AFF3: variants seen among roughly 807,000 people sequenced by gnomAD.
AFF3 encodes the protein AF4/FMR2 family member 3.
A neutral mutation model predicts 129.7 loss-of-function variants in AFF3; 32 were observed. That is an observed-to-expected ratio of 0.25 (90% confidence interval 0.19 to 0.33). The LOEUF is 0.33. Ranked by LOEUF, AFF3 falls within the 10% of genes least tolerant of loss-of-function variation. The pLI is 1.00. For missense variants in AFF3, 1,373 were observed against 1,592.0 expected, an observed-to-expected ratio of 0.86 and a Z score of 2.34; for synonymous variants, 644 against 635.4, an observed-to-expected ratio of 1.01 and a Z score of -0.20.
At chr2:99,906,670 TGAA>T (rs1039192273) in intron 7 of AFF3, among the ~76,000 whole-genome samples, 5 of 152,136 alleles carry the variant, frequency 3.3e-5, no homozygotes, top group Non-Finnish European at 5.9e-5. Context: ...GAGGATTCCC[TGAA>T]GAAGAAGAAA....
chr2:99,986,354 T>G (rs1679876432), intron 7 of AFF3, among the ~76,000 whole-genome samples: 1 of 151,960 alleles, frequency 6.6e-6, no homozygotes, highest in Non-Finnish European at 1.5e-5. Context: ...ATCCTGCGTT[T>G]ACACACCTTT....
intron 2 of AFF3, among the ~76,000 whole-genome samples, chr2:100,122,626 T>C (rs1208589628): frequency 1.3e-5 from 2 of 152,218 alleles, no homozygotes; most frequent in African/African-American, 4.8e-5. Context: ...CTGAGAGTCA[T>C]GGCCCAGGTG....
At chr2:99,986,250 A>AATAATAATAATG (rs1206769837) in intron 7 of AFF3, among the ~76,000 whole-genome samples, 4 of 142,804 alleles carry the variant, frequency 2.8e-5, no homozygotes, top group South Asian at 2.2e-4. Flanking sequence ...TAATAATAAT[A>AATAATAATAATG]ATGTAGGACA....
intron 8 of AFF3, among the ~76,000 whole-genome samples, chr2:99,800,153 TAGAGA>T (rs1344718169): frequency 1.3e-5 from 2 of 152,156 alleles, no homozygotes; most frequent in African/African-American, 4.8e-5. Flanking sequence ...GCCCCATACT[TAGAGA>T]AGATATTTGC....
intron 13 of AFF3, among the ~76,000 whole-genome samples, chr2:99,648,025 G>A (rs901599858): frequency 5.3e-5 from 8 of 152,138 alleles, no homozygotes; most frequent in African/African-American, 1.4e-4. Flanking sequence ...CTGATGAATT[G>A]TCTTTGTATT....
At chr2:99,918,343 T>A (rs1695622416) in intron 7 of AFF3, among the ~76,000 whole-genome samples, 1 of 152,170 alleles carries the variant, frequency 6.6e-6, no homozygotes, top group African/African-American at 2.4e-5. Context: ...TTAGAATAAT[T>A]TGAAATACCT....
chr2:99,828,402 G>A (rs963113964), intron 8 of AFF3, among the ~76,000 whole-genome samples: 1 of 152,166 alleles, frequency 6.6e-6, no homozygotes, highest in South Asian at 2.1e-4. Flanking sequence ...GCCTGGAGGG[G>A]TCCGCGATCC....
chr2:100,055,934 G>T (rs776509964), intron 4 of AFF3, among the ~76,000 whole-genome samples: 10 of 151,950 alleles, frequency 6.6e-5, no homozygotes, highest in Non-Finnish European at 1.3e-4. Flanking sequence ...AGCTTTCAGA[G>T]TCGGAGAAGG....
intron 13 of AFF3, among the ~76,000 whole-genome samples, chr2:99,632,008 CTTTTTTTTTTTTTT>C (rs745651225): frequency 2.6e-5 from 2 of 76,908 alleles, no homozygotes; most frequent in East Asian, 4.1e-4. Flanking sequence ...CTTGCCAACA[CTTTTTTTTTTTTTT>C]TTTTTTTTTT....
chr2:99,902,486 C>T (rs1333645438), intron 7 of AFF3, among the ~76,000 whole-genome samples: 1 of 152,038 alleles, frequency 6.6e-6, no homozygotes, highest in Non-Finnish European at 1.5e-5. Context: ...TGCAGGTGTC[C>T]CTCGTCAAGG....
intron 15 of AFF3, among the ~76,000 whole-genome samples, chr2:99,588,317 C>A (rs1441312521): frequency 6.6e-6 from 1 of 152,072 alleles, no homozygotes; most frequent in Non-Finnish European, 1.5e-5. Flanking sequence ...GCTGGGAATG[C>A]AAGTGTGTGC....
At chr2:100,015,966 T>C (rs1037738001) in intron 4 of AFF3, among the ~76,000 whole-genome samples, 1 of 151,668 alleles carries the variant, frequency 6.6e-6, no homozygotes, top group Non-Finnish European at 1.5e-5. Flanking sequence ...ATGGTGATGA[T>C]GATGGTGGTT....
chr2:99,769,279 G>A (rs1263656874), intron 8 of AFF3, among the ~76,000 whole-genome samples: 1 of 152,106 alleles, frequency 6.6e-6, no homozygotes, highest in Non-Finnish European at 1.5e-5. Context: ...TGGCTATTAA[G>A]AGACTCTGAT....
intron 7 of AFF3, among the ~76,000 whole-genome samples, chr2:99,841,329 G>C (rs1167493675): frequency 6.6e-6 from 1 of 152,202 alleles, no homozygotes; most frequent in Non-Finnish European, 1.5e-5. Flanking sequence ...CATAGATGTA[G>C]GATCTTTACA....
At chr2:99,856,078 T>C (rs1690502649) in intron 7 of AFF3, among the ~76,000 whole-genome samples, 1 of 152,148 alleles carries the variant, frequency 6.6e-6, no homozygotes, top group South Asian at 2.1e-4. Context: ...TGAAAAACTG[T>C]CACAGTCTAT....
At chr2:99,912,374 A>G (rs1695160651) in intron 7 of AFF3, among the ~76,000 whole-genome samples, 1 of 152,218 alleles carries the variant, frequency 6.6e-6, no homozygotes, top group African/African-American at 2.4e-5. Context: ...ACTAGCCAAA[A>G]GTCACACTTA....
chr2:99,761,780 C>T (rs1342955382), intron 8 of AFF3, among the ~76,000 whole-genome samples: 1 of 152,216 alleles, frequency 6.6e-6, no homozygotes, highest in Non-Finnish European at 1.5e-5. Flanking sequence ...TTGTCTGTCA[C>T]TGCCACAGGA....
At chr2:100,006,415 A>G (rs753223442) in intron 7 of AFF3, 28 of 556,222 alleles carry the variant, frequency 5.0e-5, no homozygotes, top group Non-Finnish European at 8.0e-5. Context: ...ACACAACTGC[A>G]TTTGCTGGAA....
In AFF3 at chr2:100,113,918, A is replaced by G. The variant is rs542519677; in HGVS notation, c.-144-8335T>C. ...GAAGTCAGTAGGTCAAATGGGGGTT[A>G]GGGGAAGAAGCAGAATGAAGGGAGA... On this transcript the variant is annotated intron_variant, in intron 2 of 24. Coordinates refer to ENST00000672756, the MANE Select transcript of AFF3 (RefSeq NM_001386135.1). Among the ~76,000 whole-genome samples, 251 of 152,232 alleles carry G rather than the reference A, an allele frequency of 1.6e-3. 1 individual carries two copies. The highest frequency in any genetic ancestry group is 5.8e-3 in the African/African-American group (240 of 41,538).
Sources: gnomAD v4.1 joint callset for allele counts (sites outside exome capture counted in the v4.1 genomes callset) on GRCh38, gnomAD v4.1.1 for gene constraint, MANE v1.5 for transcripts, NCBI Gene and HGNC (gene_info 2026-07-23, HGNC 2026-07-21) for gene names.